The following AOAH variants were observed in gnomAD, a reference collection of about 807,000 sequenced individuals.
AOAH encodes acyloxyacyl hydrolase (neutrophil).
AOAH carries 64 observed loss-of-function variants against 92.2 expected under a neutral mutation model. The observed-to-expected ratio is 0.69, with a 90% confidence interval of 0.57 to 0.86. AOAH has a LOEUF of 0.86. Ranked by LOEUF, AOAH falls within the 40% of genes least tolerant of loss-of-function variation. The pLI, the probability that AOAH is intolerant of heterozygous loss-of-function variation, is 0.00. For synonymous variants in AOAH, 263 were observed against 254.5 expected (o/e 1.03, Z -0.32); for missense variants, 656 against 694.6 (o/e 0.94, Z 0.62).
At chr7:36,683,920 G>C (rs1446857045) in intron 2 of AOAH, among the ~76,000 whole-genome samples, 1 of 152,052 alleles carries the variant, frequency 6.6e-6, no homozygotes, top group Non-Finnish European at 1.5e-5. Context: ...CTTGAACAAG[G>C]GTGGGAGAGG....
chr7:36,684,546 G>T (rs777823658), intron 2 of AOAH, among the ~76,000 whole-genome samples: 6 of 152,024 alleles, frequency 3.9e-5, no homozygotes, highest in Admixed American at 6.6e-5. Flanking sequence ...AGAAATAATA[G>T]ATAAGAATAT....
chr7:36,608,771 T>C (rs1243628681), intron 11 of AOAH, among the ~76,000 whole-genome samples: 1 of 152,144 alleles, frequency 6.6e-6, no homozygotes, highest in Non-Finnish European at 1.5e-5. Flanking sequence ...ACATCCAGAC[T>C]TGTCTGAGCC....
intron 13 of AOAH, among the ~76,000 whole-genome samples, chr7:36,557,563 A>G (rs929927532): frequency 2.0e-5 from 3 of 152,174 alleles, no homozygotes; most frequent in African/African-American, 7.2e-5. Context: ...TCTCCTGGAT[A>G]ATATCCTGTA....
chr7:36,623,491 G>A (rs1792432478), intron 6 of AOAH, among the ~76,000 whole-genome samples: 1 of 152,188 alleles, frequency 6.6e-6, no homozygotes, highest in African/African-American at 2.4e-5. Context: ...GTATGAGGAA[G>A]TGAAATAATT....
intron 19 of AOAH, among the ~76,000 whole-genome samples, chr7:36,523,629 G>GGTTTTTTTTTTTT (rs759621905): frequency 1.0e-5 from 1 of 100,138 alleles, no homozygotes; most frequent in African/African-American, 4.1e-5. Context: ...TGTTTTGCCT[G>GGTTTTTTTTTTTT]TTTTTTTTTT....
At chr7:36,585,152 A>AAAAG (rs1789226365) in intron 12 of AOAH, among the ~76,000 whole-genome samples, 1 of 152,068 alleles carries the variant, frequency 6.6e-6, no homozygotes, top group Non-Finnish European at 1.5e-5. Context: ...AGGGGTATAA[A>AAAAG]AAAGAAATGT....
chr7:36,602,934 G>C (rs1342774482), intron 11 of AOAH, among the ~76,000 whole-genome samples: 1 of 152,074 alleles, frequency 6.6e-6, no homozygotes, highest in East Asian at 1.9e-4. Context: ...TTTATACCAA[G>C]AGGCTGTCCC....
At chr7:36,615,499 T>G (rs1041846736) in intron 11 of AOAH, among the ~76,000 whole-genome samples, 3 of 152,204 alleles carry the variant, frequency 2.0e-5, no homozygotes, top group Non-Finnish European at 4.4e-5. Flanking sequence ...CGATAACTTA[T>G]GGCCACAGGA....
chr7:36,708,663 C>G (rs564089314), intron 1 of AOAH, among the ~76,000 whole-genome samples: 1 of 152,144 alleles, frequency 6.6e-6, no homozygotes, highest in East Asian at 1.9e-4. Context: ...CATTTAGCAA[C>G]TTTGGATTTT....
intron 1 of AOAH, among the ~76,000 whole-genome samples, chr7:36,722,111 C>A (rs1164917151): frequency 6.6e-6 from 1 of 152,184 alleles, no homozygotes; most frequent in Non-Finnish European, 1.5e-5. Flanking sequence ...CATCCGAATA[C>A]CACCTCCTAA....
At chr7:36,627,707 A>C (rs1007039210) in intron 6 of AOAH, among the ~76,000 whole-genome samples, 1 of 152,066 alleles carries the variant, frequency 6.6e-6, no homozygotes, top group Admixed American at 6.5e-5. Flanking sequence ...GCCCCTCTTC[A>C]GATGTTCAGA....
intron 10 of AOAH, among the ~76,000 whole-genome samples, chr7:36,616,971 T>C (rs1399116136): frequency 3.9e-5 from 6 of 152,198 alleles, no homozygotes; most frequent in African/African-American, 7.2e-5. Context: ...GACACGGAGA[T>C]AGAAAGGTCT....
At chr7:36,698,747 A>G (rs1797861629) in intron 1 of AOAH, among the ~76,000 whole-genome samples, 1 of 152,204 alleles carries the variant, frequency 6.6e-6, no homozygotes, top group Non-Finnish European at 1.5e-5. Context: ...TAATGTTTAA[A>G]GATAAATCAG....
intron 2 of AOAH, among the ~76,000 whole-genome samples, chr7:36,676,283 AT>A (rs1258540413): frequency 1.3e-5 from 2 of 152,226 alleles, no homozygotes; most frequent in Non-Finnish European, 2.9e-5. Flanking sequence ...CAAGATCAAT[AT>A]GCAAAACCAA....
At chr7:36,620,897 AT>A (rs1792231675) in intron 8 of AOAH, 68 bp from the exon 9 acceptor site, 1 of 823,578 alleles carries the variant, frequency 1.2e-6, no homozygotes, top group Non-Finnish European at 1.7e-6. Context: ...AGTTTCATGC[AT>A]GAATGAATGA....
intron 2 of AOAH, among the ~76,000 whole-genome samples, chr7:36,677,357 C>T (rs1796314754): frequency 6.6e-6 from 1 of 152,208 alleles, no homozygotes; most frequent in East Asian, 1.9e-4. Context: ...CATTAGCTAC[C>T]AAGGAAATGC....
At chr7:36,633,939 G>A (rs1017830589) in intron 5 of AOAH, among the ~76,000 whole-genome samples, 4 of 152,126 alleles carry the variant, frequency 2.6e-5, no homozygotes, top group Non-Finnish European at 5.9e-5. Flanking sequence ...GATGCCCGCC[G>A]CACAAATCTG....
At chr7:36,553,301 A>G (rs1014806933) in intron 13 of AOAH, among the ~76,000 whole-genome samples, 4 of 151,762 alleles carry the variant, frequency 2.6e-5, no homozygotes, top group African/African-American at 9.7e-5. Context: ...ACATGAATGA[A>G]TGTCCCTACA....
At chr7:36,617,429 C>G (rs887689710) in intron 10 of AOAH, among the ~76,000 whole-genome samples, 7 of 152,248 alleles carry the variant, frequency 4.6e-5, no homozygotes, top group African/African-American at 1.7e-4. Context: ...TGAGCCTTTA[C>G]ATTTTCTATT....
Sources: gnomAD v4.1 joint callset for allele counts (sites outside exome capture counted in the v4.1 genomes callset) on GRCh38, gnomAD v4.1.1 for gene constraint, MANE v1.5 for transcripts, NCBI Gene and HGNC (gene_info 2026-07-23, HGNC 2026-07-21) for gene names.